Variants in FBXL17 observed in about 807,000 individuals in gnomAD.
FBXL17 encodes the protein F-box/LRR-repeat protein 17.
A neutral mutation model predicts 66.2 loss-of-function variants in FBXL17; 22 were observed. That is an observed-to-expected ratio of 0.33 (90% CI 0.24 to 0.47). The LOEUF is 0.47. Among genes scored for constraint, FBXL17 ranks in the 20% least tolerant of loss-of-function variants. The probability of loss-of-function intolerance (pLI) is 1.00; values close to 1 mark genes in which losing one functional copy is unlikely to be tolerated. For missense variants in FBXL17, 878 were observed against 948.2 expected, an observed-to-expected ratio of 0.93 and a Z score of 0.97; for synonymous variants, 474 against 400.5, an observed-to-expected ratio of 1.18 and a Z score of -2.19.
At chr5:108,334,771 T>C (rs935535040) in intron 4 of FBXL17, among the ~76,000 whole-genome samples, 2 of 152,220 alleles carry the variant, frequency 1.3e-5, no homozygotes, top group South Asian at 2.1e-4. Context: ...TACATTGTAA[T>C]TCAACTATAA....
intron 7 of FBXL17, among the ~76,000 whole-genome samples, chr5:107,993,186 C>T (rs1753329309): frequency 6.6e-6 from 1 of 152,124 alleles, no homozygotes; most frequent in Non-Finnish European, 1.5e-5. Flanking sequence ...TGAGCCACCG[C>T]ACCCGGCCTG....
At chr5:108,356,706 A>T (rs574535358) in intron 3 of FBXL17, among the ~76,000 whole-genome samples, 1 of 152,226 alleles carries the variant, frequency 6.6e-6, no homozygotes, top group South Asian at 2.1e-4. Flanking sequence ...GAGGATTTTT[A>T]GAGCAGTGAA....
intron 6 of FBXL17, among the ~76,000 whole-genome samples, chr5:108,027,228 T>C (rs572169103): frequency 7.9e-4 from 121 of 152,298 alleles, no homozygotes; most frequent in African/African-American, 2.8e-3. Flanking sequence ...GAATAAAGCC[T>C]GCAATATTTT....
intron 6 of FBXL17, among the ~76,000 whole-genome samples, chr5:108,132,222 C>T (rs1217434208): frequency 2.0e-5 from 3 of 152,066 alleles, no homozygotes; most frequent in African/African-American, 7.2e-5. Context: ...GTAATCCGCC[C>T]GCATCAGCCT....
chr5:108,358,441 G>A (rs1748134424), intron 3 of FBXL17, among the ~76,000 whole-genome samples: 1 of 152,122 alleles, frequency 6.6e-6, no homozygotes, highest in East Asian at 1.9e-4. Flanking sequence ...CAATTAAGAT[G>A]ACTGGTTTTT....
chr5:107,910,678 C>T (rs1404101630), intron 7 of FBXL17, among the ~76,000 whole-genome samples: 1 of 151,868 alleles, frequency 6.6e-6, no homozygotes, highest in Admixed American at 6.6e-5. Flanking sequence ...GCTGATATAC[C>T]ATTAAAAATA....
At chr5:108,087,510 C>T (rs915463933) in intron 6 of FBXL17, among the ~76,000 whole-genome samples, 4 of 151,888 alleles carry the variant, frequency 2.6e-5, no homozygotes, top group African/African-American at 4.8e-5. Context: ...TCTTTGTGAC[C>T]GCATCAAAGT....
intron 6 of FBXL17, among the ~76,000 whole-genome samples, chr5:108,109,328 G>A (rs1340954474): frequency 1.3e-5 from 2 of 151,784 alleles, no homozygotes; most frequent in African/African-American, 2.4e-5. Context: ...CATGTGAGAG[G>A]TGCCCACTCT....
At chr5:108,252,910 G>A (rs1301006518) in intron 4 of FBXL17, among the ~76,000 whole-genome samples, 2 of 152,126 alleles carry the variant, frequency 1.3e-5, no homozygotes, top group Non-Finnish European at 2.9e-5. Flanking sequence ...ACATGAATCA[G>A]TTACACCTAT....
chr5:108,040,792 T>G (rs2112802609), intron 6 of FBXL17, among the ~76,000 whole-genome samples: 1 of 152,254 alleles, frequency 6.6e-6, no homozygotes, highest in East Asian at 1.9e-4. Context: ...ACATGAGGTT[T>G]TTACCGTGGA....
intron 6 of FBXL17, among the ~76,000 whole-genome samples, chr5:108,090,786 T>C (rs78852821): frequency 0.011 from 1,644 of 152,214 alleles, 30 homozygotes; most frequent in African/African-American, 0.036. Flanking sequence ...ATGGACTAGG[T>C]GGTTTGTTGA....
At chr5:108,059,378 CT>C (rs1747833883) in intron 6 of FBXL17, among the ~76,000 whole-genome samples, 1 of 152,116 alleles carries the variant, frequency 6.6e-6, no homozygotes, top group African/African-American at 2.4e-5. Flanking sequence ...TATGAAGAAG[CT>C]AGAGTCTACA....
chr5:108,146,026 G>C (rs1300236575), intron 6 of FBXL17, among the ~76,000 whole-genome samples: 1 of 151,814 alleles, frequency 6.6e-6, no homozygotes, highest in Non-Finnish European at 1.5e-5. Flanking sequence ...AAACCATCCT[G>C]GCTAACACAG....
At chr5:108,353,051 CACAA>C (rs1206216885) in intron 3 of FBXL17, among the ~76,000 whole-genome samples, 2 of 152,088 alleles carry the variant, frequency 1.3e-5, no homozygotes, top group African/African-American at 2.4e-5. Flanking sequence ...TAAAACTGAA[CACAA>C]ACAAGACAAG....
At chr5:108,250,126 C>A (rs1756279725) in intron 4 of FBXL17, among the ~76,000 whole-genome samples, 1 of 152,080 alleles carries the variant, frequency 6.6e-6, no homozygotes, top group Non-Finnish European at 1.5e-5. Context: ...CTTGGCACTG[C>A]AACTGCTACC....
intron 4 of FBXL17, among the ~76,000 whole-genome samples, chr5:108,227,266 ACT>A (rs1755140478): frequency 6.6e-6 from 1 of 152,190 alleles, no homozygotes; most frequent in African/African-American, 2.4e-5. Flanking sequence ...AAGAAGTTAC[ACT>A]GACAGTGTTT....
intron 6 of FBXL17, among the ~76,000 whole-genome samples, chr5:108,101,427 G>C (rs964530995): frequency 6.6e-6 from 1 of 152,212 alleles, no homozygotes; most frequent in African/African-American, 2.4e-5. Flanking sequence ...AGACCAGACT[G>C]AGCCCATTCA....
chr5:107,980,666 T>A lies in FBXL17; in HGVS notation c.1822+40259A>T, dbSNP rs577001254. Among the ~76,000 whole-genome samples the A allele has an allele frequency of 0.013, 618 of 47,770 alleles. 88 individuals are homozygous for A. In the East Asian group the frequency reaches 0.17, roughly 13 times the overall value. 31.3% of individuals were successfully genotyped at this position (47,770 alleles called of 152,430 possible). A position where few individuals can be genotyped will look rare whatever the true frequency, so the allele number is the denominator to read the frequency against. ...AAATAATATATATATATATATATATTTTTTTTTTGAGATGGAGTCTTGCTC... is the reference window on the plus strand; with the variant it reads ...AAATAATATATATATATATATATATATTTTTTTTGAGATGGAGTCTTGCTC... On this transcript the variant is annotated intron_variant, in intron 7 of 8. Transcript: ENST00000542267.
At chr5:108,031,732 T>C (rs970704146) in intron 6 of FBXL17, among the ~76,000 whole-genome samples, 2 of 152,080 alleles carry the variant, frequency 1.3e-5, no homozygotes, top group Admixed American at 1.3e-4. Flanking sequence ...AATACAGTAA[T>C]AAAACAGAGA....
Sources: allele counts gnomAD v4.1 joint callset (sites outside exome capture counted in the v4.1 genomes callset), GRCh38; gene constraint gnomAD v4.1.1; transcripts MANE v1.5; gene names NCBI Gene and HGNC (gene_info 2026-07-23, HGNC 2026-07-21).